Variants in PPEF1 observed in about 807,000 individuals in gnomAD.
PPEF1 encodes the protein serine/threonine-protein phosphatase with EF-hands 1.
PPEF1 carries 12 observed loss-of-function variants against 53.3 expected under a neutral mutation model. The ratio of observed to expected loss-of-function variants is 0.23; its 90% confidence interval spans 0.14 to 0.36. PPEF1 has a LOEUF of 0.36. Among genes scored for constraint, PPEF1 ranks in the 10% least tolerant of loss-of-function variants. The probability of loss-of-function intolerance (pLI) is 1.00; values close to 1 mark genes in which losing one functional copy is unlikely to be tolerated. For synonymous variants in PPEF1, 165 were observed against 176.7 expected (o/e 0.93, Z 0.52); for missense variants, 334 against 490.4 (o/e 0.68, Z 3.01).
At chrX:18,681,325 C>T (rs1206756621), upstream of PPEF1, among the ~76,000 whole-genome samples, 1 of 111,853 alleles carries the variant, frequency 8.9e-6, no homozygotes, top group Non-Finnish European at 1.9e-5. Flanking sequence ...GTTGATTGTC[C>T]CCACCATCCT....
At chrX:18,823,548 AC>A (rs2047106377) in intron 13 of PPEF1, among the ~76,000 whole-genome samples, 1 of 109,547 alleles carries the variant, frequency 9.1e-6, no homozygotes, top group African/African-American at 3.3e-5. Context: ...AATCACTTGA[AC>A]CCAGGAGGCG....
chrX:18,806,038 G>C (rs745608172), intron 11 of PPEF1, among the ~76,000 whole-genome samples: 1 of 110,172 alleles, frequency 9.1e-6, no homozygotes, highest in South Asian at 3.9e-4. Flanking sequence ...GACAAATTTT[G>C]TTCTGAATGC....
At chrX:18,675,350 G>A (rs925039792), upstream of PPEF1, among the ~76,000 whole-genome samples, 2 of 113,640 alleles carry the variant, frequency 1.8e-5, no homozygotes, top group Non-Finnish European at 3.8e-5. Flanking sequence ...TTTCCCAACC[G>A]GCAAACTGAG....
At chrX:18,690,907 C>G (rs1639522986) in intron 3 of PPEF1, 1 of 112,145 alleles carries the variant, frequency 8.9e-6, no homozygotes, top group African/African-American at 3.2e-5. Context: ...ACCTATTAAT[C>G]ATTCTAGAAT....
chrX:18,756,770 A>T (rs2147489520), intron 4 of PPEF1, among the ~76,000 whole-genome samples: 1 of 112,792 alleles, frequency 8.9e-6, no homozygotes, highest in Admixed American at 9.4e-5. Flanking sequence ...GTTGCAATAT[A>T]TTCTCAGTGA....
At chrX:18,716,558 A>T (rs780299246) in intron 1 of PPEF1, among the ~76,000 whole-genome samples, 21 of 106,105 alleles carry the variant, frequency 2.0e-4, no homozygotes, top group African/African-American at 7.3e-4. Context: ...AAAAAAATCG[A>T]ACAATCAAGC....
In PPEF1 at chrX:18,804,147, C is replaced by T. The variant is rs765084544; in HGVS notation, c.1251+70C>T. On this transcript the variant is annotated intron_variant, in intron 11 of 15. Transcript: ENST00000470157. ...TAAGCACAGTCTTTTCTTCACAGAGCATGTCTGGCCTAGAAGCCCATGAGA... is the reference window on the plus strand; with the variant it reads ...TAAGCACAGTCTTTTCTTCACAGAGTATGTCTGGCCTAGAAGCCCATGAGA... The T allele has an allele frequency of 5.4e-5, 53 of 978,404 alleles. No individual in the cohort carries two copies. In the South Asian group the frequency reaches 1.1e-3, roughly 20 times the overall value. The allele number at this position is 978,404 out of a possible 1,213,427, so 80.6% of individuals were successfully genotyped here.
chrX:18,717,399 C>G (rs149159443), intron 1 of PPEF1, among the ~76,000 whole-genome samples: 1,532 of 108,490 alleles, frequency 0.014, 34 homozygotes, highest in African/African-American at 0.049. Flanking sequence ...CCAAAATTGC[C>G]CTTTGTAACT....
rs143725305 is a variant in PPEF1, at chrX:18,820,588, T to A, written c.1501+2443T>A. Among the ~76,000 whole-genome samples, 511 of 110,831 alleles carry A rather than the reference T, an allele frequency of 4.6e-3. 3 individuals carry two copies. The highest frequency in any genetic ancestry group is 0.016 in the African/African-American group (488 of 30,492). On this transcript the variant is annotated intron_variant, in intron 13 of 15. Coordinates refer to ENST00000470157, the MANE Select transcript of PPEF1 (RefSeq NM_001377996.1). ...TTTTAGTAGAGGTGGGGTTTCACTGTGTTAGCCAGAATGGTGTTGGTCTCC... is the reference window on the plus strand; with the variant it reads ...TTTTAGTAGAGGTGGGGTTTCACTGAGTTAGCCAGAATGGTGTTGGTCTCC...
intron 3 of PPEF1, among the ~76,000 whole-genome samples, chrX:18,744,246 C>T (rs747956146): frequency 2.9e-4 from 32 of 111,796 alleles, no homozygotes; most frequent in Non-Finnish European, 6.0e-4. Flanking sequence ...GATATCGGGG[C>T]CACCAGATTA....
Position 18,784,211 on chromosome X carries a change from A to G in PPEF1, c.912+163A>G, listed in dbSNP as rs548602945. 5.7e-4 allele frequency among the ~76,000 whole-genome samples: 64 copies of G among 112,103 alleles called. No individual in the cohort carries two copies. In the South Asian group the frequency reaches 0.022, roughly 39 times the overall value. On this transcript the variant is annotated intron_variant, in intron 9 of 15. Coordinates refer to ENST00000470157, the MANE Select transcript of PPEF1 (RefSeq NM_001377996.1). ...AAAGTATAAATTTTAAGAAAAATCTATGACTGCATGATAAAGAACTAAGTG... is the reference window on the plus strand; with the variant it reads ...AAAGTATAAATTTTAAGAAAAATCTGTGACTGCATGATAAAGAACTAAGTG...
intron 1 of PPEF1, among the ~76,000 whole-genome samples, chrX:18,711,059 CAT>C (rs1001132106): frequency 3.3e-5 from 3 of 89,783 alleles, no homozygotes; most frequent in African/African-American, 1.3e-4. Context: ...TATGTGTGTG[CAT>C]ATATATATGT....
At position 18,793,517 on chromosome X, in the gene PPEF1, C is replaced by T. The variant is rs765889851; in HGVS notation, c.1065+4244C>T. 6.2e-4 allele frequency among the ~76,000 whole-genome samples: 69 copies of T among 111,159 alleles called. 1 individual carries two copies. The highest frequency in any genetic ancestry group is 1.7e-3 in the African/African-American group (53 of 30,647). On this transcript the variant is annotated intron_variant, in intron 10 of 15. Transcript: ENST00000470157. ...TTGTGGCCTAGCATATGGTTTATCC[C>T]GGAGAATGCTCCATGTGCACTTCAG...
chrX:18,693,077 T>C (rs1235568623), intron 4 of PPEF1, among the ~76,000 whole-genome samples: 1 of 111,732 alleles, frequency 8.9e-6, no homozygotes, highest in African/African-American at 3.3e-5. Context: ...TCTTGGAAAA[T>C]TACATCAGGC....
rs149939109 is a variant in PPEF1, at chrX:18,708,664, G to A, written c.46+838G>A. 8.1e-3 allele frequency among the ~76,000 whole-genome samples: 906 copies of A among 111,859 alleles called. 8 individuals carry two copies. The highest frequency in any genetic ancestry group is 0.019 in the Middle Eastern group (4 of 216). On this transcript the variant is annotated intron_variant, in intron 1 of 15. Coordinates refer to ENST00000470157, the MANE Select transcript of PPEF1 (RefSeq NM_001377996.1). Reference sequence around the variant, plus strand: ...TAAGGTGGAGGGTTTAGGATGCAGAGTGTGCTATACTAATTAGCGTGGGAT... The same window carrying A: ...TAAGGTGGAGGGTTTAGGATGCAGAATGTGCTATACTAATTAGCGTGGGAT...
At chrX:18,765,509 A>G (rs777310286) in intron 6 of PPEF1, among the ~76,000 whole-genome samples, 1 of 111,768 alleles carries the variant, frequency 8.9e-6, no homozygotes, top group Non-Finnish European at 1.9e-5. Context: ...TGGATACTTT[A>G]ATTTGCTTCA....
chrX:18,800,489 A>G (rs779690183), intron 10 of PPEF1, among the ~76,000 whole-genome samples: 1 of 111,788 alleles, frequency 8.9e-6, no homozygotes, highest in African/African-American at 3.2e-5. Context: ...AAACAATATA[A>G]CAATACAATC....
At chrX:18,689,313 T>C (rs768925915) in intron 3 of PPEF1, among the ~76,000 whole-genome samples, 2 of 108,337 alleles carry the variant, frequency 1.8e-5, no homozygotes, top group Admixed American at 9.7e-5. Context: ...TGAAACGCCA[T>C]CTCTGTAAAA....
intron 12 of PPEF1, among the ~76,000 whole-genome samples, chrX:18,815,909 T>A (rs1478217797): frequency 2.4e-4 from 26 of 108,611 alleles, no homozygotes; most frequent in African/African-American, 8.3e-4. Flanking sequence ...ATTTATTTTT[T>A]TTTTTTTTGA....
Sources: gnomAD v4.1 joint callset for allele counts (sites outside exome capture counted in the v4.1 genomes callset) on GRCh38, gnomAD v4.1.1 for gene constraint, MANE v1.5 for transcripts, NCBI Gene and HGNC (gene_info 2026-07-23, HGNC 2026-07-21) for gene names.